The following DCLK1 variants were observed in gnomAD, a reference collection of about 807,000 sequenced individuals.
The protein encoded by DCLK1 is serine/threonine-protein kinase DCLK1.
DCLK1 carries 16 observed loss-of-function variants against 86.2 expected under a neutral mutation model. That is an observed-to-expected ratio of 0.19 (90% CI 0.13 to 0.28). The LOEUF is 0.28. Ranked by LOEUF, DCLK1 falls within the 10% of genes least tolerant of loss-of-function variation. The probability of loss-of-function intolerance (pLI) is 1.00; values close to 1 mark genes in which losing one functional copy is unlikely to be tolerated. For synonymous variants in DCLK1, 369 were observed against 370.5 expected (o/e 1.00, Z 0.05); for missense variants, 590 against 940.2 (o/e 0.63, Z 4.87).
At chr13:35,905,428 C>T (rs1874633587) in intron 4 of DCLK1, among the ~76,000 whole-genome samples, 1 of 152,200 alleles carries the variant, frequency 6.6e-6, no homozygotes, top group South Asian at 2.1e-4. Context: ...ATCCCAGGAG[C>T]CAGGAGGCGC....
chr13:35,960,663 C>T (rs746051438), intron 3 of DCLK1, among the ~76,000 whole-genome samples: 10 of 152,050 alleles, frequency 6.6e-5, no homozygotes, highest in Non-Finnish European at 1.3e-4. Context: ...ACTATGTTGC[C>T]CAGGCTGGTC....
rs769128085 is a variant in DCLK1 at position 35,854,545 on chromosome 13, G to A, written c.989C>T (p.Ser330Leu). ...SQLSTPRSGK[S>L]PSPSPTSPGS... Reference sequence around the variant, plus strand: ...TGGGCTGGTGGGTGATGGGCTTGGCGACTTGCCTGAGCGCGGAGTAGAGAG... The same window carrying A: ...TGGGCTGGTGGGTGATGGGCTTGGCAACTTGCCTGAGCGCGGAGTAGAGAG... Residue 330 changes from serine to leucine, a missense_variant, in exon 6 of 17, where the codon TCG (serine) becomes TTG (leucine). By Grantham distance (145) the Ser-to-Leu change is moderately radical (BLOSUM62 -2). Coordinates refer to ENST00000360631, the MANE Select transcript of DCLK1 (RefSeq NM_001330071.2). 27 of 1,606,338 alleles carry A rather than the reference G, an allele frequency of 1.7e-5. No homozygotes were observed. The highest frequency in any genetic ancestry group is 6.8e-5 in the East Asian group (3 of 44,400).
At chr13:35,954,219 T>C (rs570444651) in intron 3 of DCLK1, among the ~76,000 whole-genome samples, 2 of 152,034 alleles carry the variant, frequency 1.3e-5, no homozygotes, top group Non-Finnish European at 2.9e-5. Flanking sequence ...TGCTTTTTTT[T>C]TAAAAAAAAA....
At chr13:35,911,591 A>G (rs1875036859) in intron 4 of DCLK1, among the ~76,000 whole-genome samples, 1 of 152,130 alleles carries the variant, frequency 6.6e-6, no homozygotes, top group African/African-American at 2.4e-5. Flanking sequence ...AAATAGGAGG[A>G]GGCGGACCTC....
At chr13:35,823,382 C>CACACACACAA (rs1255683149) in intron 10 of DCLK1, among the ~76,000 whole-genome samples, 1 of 151,806 alleles carries the variant, frequency 6.6e-6, no homozygotes, top group African/African-American at 2.4e-5. Flanking sequence ...CACACACACA[C>CACACACACAA]AATCCCCTTC....
At chr13:35,822,567 G>GGAT (rs1420305653) in intron 11 of DCLK1, among the ~76,000 whole-genome samples, 162 bp downstream of exon 11, 2 of 152,034 alleles carry the variant, frequency 1.3e-5, no homozygotes, top group Non-Finnish European at 2.9e-5. Context: ...AACTCATCTA[G>GGAT]ATCAACCTAA....
intron 4 of DCLK1, among the ~76,000 whole-genome samples, chr13:35,908,505 C>T (rs1185144799): frequency 6.6e-6 from 1 of 152,222 alleles, no homozygotes; most frequent in African/African-American, 2.4e-5. Flanking sequence ...CGAAAAGCTT[C>T]TCTAGTGCCA....
intron 16 of DCLK1, among the ~76,000 whole-genome samples, chr13:35,783,311 CA>C (rs5802780): frequency 0.3 from 46,200 of 151,666 alleles, 9,106 homozygotes; most frequent in African/African-American, 0.55. Flanking sequence ...AAACAGAAAG[CA>C]AATTTTTTTT....
intron 1 of DCLK1, among the ~76,000 whole-genome samples, 173 bp downstream of exon 1, chr13:36,130,941 G>A (rs1174769185): frequency 5.9e-5 from 9 of 151,928 alleles, no homozygotes; most frequent in Non-Finnish European, 1.3e-4. Flanking sequence ...GGTCGGGCCA[G>A]GCTGGCCAGG....
rs148151761 is a variant in DCLK1 at position 35,982,638 on chromosome 13, G to A, written c.724-35181C>T. Among the ~76,000 whole-genome samples the A allele has an allele frequency of 1.9e-3, 296 of 152,254 alleles. 1 individual carries two copies. The highest frequency in any genetic ancestry group is 3.7e-3 in the Non-Finnish European group (254 of 68,022). On this transcript the variant is annotated intron_variant, in intron 3 of 16. Coordinates refer to ENST00000360631, the MANE Select transcript of DCLK1 (RefSeq NM_001330071.2). ...TAAATAACACAAGCGATGCTTCATT[G>A]TCAATCTTTGGATTTGGAATACAAT...
chr13:35,932,698 T>C (rs1458742600), intron 4 of DCLK1, among the ~76,000 whole-genome samples: 1 of 151,990 alleles, frequency 6.6e-6, no homozygotes, highest in African/African-American at 2.4e-5. Flanking sequence ...GTGGGAAAAC[T>C]CCCCCATGAC....
At position 35,886,500 on chromosome 13, in the gene DCLK1, G is replaced by A. The variant is rs185330195; in HGVS notation, c.824-15160C>T. ...AAGGATGTTAGAAAAAGCTCCCCCC[G>A]ATGTTGCACAAGCAATGCCACTTTT... On this transcript the variant is annotated intron_variant, in intron 4 of 16. Coordinates refer to ENST00000360631, the MANE Select transcript of DCLK1 (RefSeq NM_001330071.2). Among the ~76,000 whole-genome samples the A allele has an allele frequency of 1.6e-4, 24 of 152,226 alleles. No homozygotes were observed. In the South Asian group the frequency reaches 2.1e-3, roughly 13 times the overall value.
At chr13:36,028,410 C>CGCCT (rs1213173715) in intron 3 of DCLK1, among the ~76,000 whole-genome samples, 2 of 152,200 alleles carry the variant, frequency 1.3e-5, no homozygotes, top group Non-Finnish European at 2.9e-5. Context: ...TTTCCCTTTG[C>CGCCT]GCCTTCACAG....
intron 8 of DCLK1, among the ~76,000 whole-genome samples, chr13:35,835,135 G>A (rs569445886): frequency 8.5e-5 from 13 of 152,106 alleles, no homozygotes; most frequent in South Asian, 2.1e-4. Context: ...CTCCTCAGTC[G>A]TCCTCTCTGA....
chr13:35,978,203 CTTTTTTTT>C (rs11311688), intron 3 of DCLK1, among the ~76,000 whole-genome samples: 3 of 82,762 alleles, frequency 3.6e-5, no homozygotes, highest in Non-Finnish European at 6.8e-5. Flanking sequence ...CTTTTCTTTT[CTTTTTTTT>C]TTTTTTTTTT....
At chr13:35,808,967 G>T in intron 13 of DCLK1, 51 bp downstream of exon 13, 1 of 1,533,314 alleles carries the variant, frequency 6.5e-7, no homozygotes, top group Non-Finnish European at 9.0e-7. Context: ...GGATCACTCA[G>T]AGAGTAGAGA....
intron 6 of DCLK1, chr13:35,849,901 A>G: frequency 1.0e-6 from 1 of 961,698 alleles, no homozygotes; most frequent in African/African-American, 1.8e-5. Context: ...GTTTTTACAC[A>G]TTTAAAAAAT....
At chr13:35,792,435 T>C (rs186596877) in intron 16 of DCLK1, among the ~76,000 whole-genome samples, 390 of 152,208 alleles carry the variant, frequency 2.6e-3, no homozygotes, top group African/African-American at 9.0e-3. Flanking sequence ...CCCAGAGAAG[T>C]GGTTAAATAT....
intron 1 of DCLK1, among the ~76,000 whole-genome samples, chr13:36,129,080 C>T (rs1423846708): frequency 6.6e-6 from 1 of 152,192 alleles, no homozygotes; most frequent in Non-Finnish European, 1.5e-5. Context: ...AGTGATCATT[C>T]TCCCAACACT....
Sources: allele counts gnomAD v4.1 joint callset (sites outside exome capture counted in the v4.1 genomes callset), GRCh38; gene constraint gnomAD v4.1.1; transcripts MANE v1.5; gene names NCBI Gene and HGNC (gene_info 2026-07-23, HGNC 2026-07-21).